IBA57: variants seen among roughly 807,000 people sequenced by gnomAD.
IBA57 encodes the protein iron-sulfur cluster assembly factor IBA57, mitochondrial.
In IBA57, 20 loss-of-function variants were observed where a neutral mutation model predicts 20.4. That is an observed-to-expected ratio of 0.98 (90% confidence interval 0.69 to 1.42). IBA57 has a LOEUF of 1.42. Ranked by LOEUF, IBA57 falls within the 40% of genes most tolerant of loss-of-function variation. IBA57 has a pLI of 0.00. For missense variants in IBA57, 608 were observed against 499.3 expected, an observed-to-expected ratio of 1.22 and a Z score of -2.07; for synonymous variants, 310 against 233.9, an observed-to-expected ratio of 1.33 and a Z score of -2.97.
At position 228,174,968 on chromosome 1, in the gene IBA57, C is replaced by T. The variant is rs1007402100; in HGVS notation, c.618C>T (p.Ala206=). 1.3e-6 allele frequency: 2 copies of T among 1,562,390 alleles called. No individual in the cohort carries two copies. The highest frequency in any genetic ancestry group is 8.7e-7 in the Non-Finnish European group (1 of 1,151,556). ...WRLLTQDEGP[A]LVPGGRLGDL... ...TCCTCACCCAGGATGAAGGCCCAGC[C>T]CTGGTGCCCGGGGGCCGGCTCGGGG... The change falls in exon 2 of 3, where the codon GCC becomes GCT. Residue 206 remains alanine (A), a synonymous_variant. Coordinates refer to ENST00000366711, the MANE Select transcript of IBA57 (RefSeq NM_001010867.4).
chr1:228,169,901 C>T (rs1039950438), intron 1 of IBA57, among the ~76,000 whole-genome samples: 24 of 152,008 alleles, frequency 1.6e-4, no homozygotes, highest in Non-Finnish European at 2.5e-4. Flanking sequence ...GAGTCTTGCT[C>T]TGTCCCCCAG....
intron 1 of IBA57, 22 bp from the exon 2 acceptor site, chr1:228,174,670 G>C: frequency 6.6e-7 from 1 of 1,507,534 alleles, no homozygotes; most frequent in South Asian, 1.3e-5. Context: ...GCTGCCATGC[G>C]CCCCTGCCTC....
Position 228,165,953 on chromosome 1 carries a change from C to T in IBA57, c.137C>T (p.Ala46Val), listed in dbSNP as rs1271761803. The T allele has an allele frequency of 2.0e-6, 3 of 1,503,696 alleles. No homozygotes were observed. Among genetic ancestry groups the T allele is most frequent in the East Asian group, 2.7e-5 (1 of 37,134 alleles). 93.1% of individuals were successfully genotyped at this position (1,503,696 alleles called of 1,614,324 possible). ...CSPGGDPTAG[A>V]AWACFRLDGR... The stretch of plus-strand genomic sequence containing the variant: ...CCTGGTGGCGACCCAACGGCCGGAG[C>T]GGCCTGGGCCTGCTTCCGGCTGGAC... Residue 46 changes from alanine (A) to valine (V), a missense_variant, in exon 1 of 3, where the codon GCG (alanine) becomes GTG (valine). By Grantham distance (64) the Ala-to-Val change is moderately conservative. Coordinates refer to ENST00000366711, the MANE Select transcript of IBA57 (RefSeq NM_001010867.4).
At chr1:228,169,925 G>C (rs917710068) in intron 1 of IBA57, among the ~76,000 whole-genome samples, 2 of 151,972 alleles carry the variant, frequency 1.3e-5, no homozygotes, top group Non-Finnish European at 2.9e-5. Flanking sequence ...GTAGTGCAAT[G>C]GCGCAATCTC....
chr1:228,173,788 C>A (rs898976492), intron 1 of IBA57, among the ~76,000 whole-genome samples: 5 of 152,236 alleles, frequency 3.3e-5, no homozygotes, highest in African/African-American at 1.2e-4. Flanking sequence ...GGACTGTTGT[C>A]ATTTCTGCCC....
chr1:228,166,112 T>G lies in IBA57; in HGVS notation c.296T>G (p.Phe99Cys), dbSNP rs2034848414. The G allele has an allele frequency of 1.3e-6, 2 of 1,537,750 alleles. No homozygotes were observed. Among genetic ancestry groups the G allele is most frequent in the Non-Finnish European group, 1.7e-6 (2 of 1,144,382 alleles). Residue 99 changes from phenylalanine to cysteine, a missense_variant, in exon 1 of 3, where the codon TTC becomes TGC. By Grantham distance (205) the Phe-to-Cys change is radical. Transcript: ENST00000366711. ...PPAARAGYAH[F>C]LNVQGRTLYD... ...GCTGCGCGCGCGGGCTACGCCCACT[T>G]CCTGAACGTGCAGGGCCGGACGCTC...
rs201076864 is a variant in IBA57, at chr1:228,175,186, C to T, written c.744C>T (p.Ala248=). 6.2e-7 allele frequency: 1 copy of T among 1,612,922 alleles called. No individual in the cohort carries two copies. Among genetic ancestry groups the T allele is most frequent in the Non-Finnish European group, 8.5e-7 (1 of 1,179,958 alleles). Residue 248 remains alanine, a synonymous_variant, in exon 3 of 3, where the codon GCC becomes GCT. Coordinates refer to ENST00000366711, the MANE Select transcript of IBA57 (RefSeq NM_001010867.4). ...CCCTGCCCCTGGAGTCCAACCTGGCCTTCATGAACGGCGTGAGCTTCACCA... is the reference window on the plus strand; with the variant it reads ...CCCTGCCCCTGGAGTCCAACCTGGCTTTCATGAACGGCGTGAGCTTCACCA... ...GVALPLESNL[A]FMNGVSFTKG...
Position 228,178,703 on chromosome 1 carries a change from A to T in IBA57, c.*3190A>T, listed in dbSNP as rs1384923903. 2 of 152,286 alleles carry T rather than the reference A, an allele frequency of 1.3e-5. No individual in the cohort carries two copies. Among genetic ancestry groups the T allele is most frequent in the Non-Finnish European group, 2.9e-5 (2 of 68,078 alleles). The allele number at this position is 152,286 out of a possible 1,614,324, so 9.4% of individuals were successfully genotyped here. ...TCAGGCCTTAGATAGAAAACATCCTAAGAAGTATACGTTCATTGTAAAATC... is the reference window on the plus strand; with the variant it reads ...TCAGGCCTTAGATAGAAAACATCCTTAGAAGTATACGTTCATTGTAAAATC... On this transcript the variant is annotated 3_prime_UTR_variant, in exon 3 of 3. Transcript: ENST00000366711.
intron 1 of IBA57, among the ~76,000 whole-genome samples, chr1:228,168,904 G>C (rs1399378104): frequency 2.0e-5 from 3 of 152,174 alleles, no homozygotes; most frequent in Non-Finnish European, 2.9e-5. Flanking sequence ...CTTCAGTTCT[G>C]TTGGAGTTCA....
rs2035093583 is a variant in IBA57 at position 228,180,530 on chromosome 1, A to G, written c.*5017A>G. 1 of 152,228 alleles carries G rather than the reference A, an allele frequency of 6.6e-6. No individual in the cohort carries two copies. 9.4% of individuals were successfully genotyped at this position (152,228 alleles called of 1,614,324 possible). A position where few individuals can be genotyped will look rare whatever the true frequency, so the allele number is the denominator to read the frequency against. ...CAGCATCTGTTACAAGGCTTATCAG[A>G]GTTTTCAGATAATCTCTAAAAGAAT... On this transcript the variant is annotated 3_prime_UTR_variant, in exon 3 of 3. Transcript: ENST00000366711.
rs748685214 is a variant in IBA57 at position 228,166,014 on chromosome 1, G to A, written c.198G>A (p.Ala66=). 2.0e-6 allele frequency: 3 copies of A among 1,532,112 alleles called. No individual in the cohort carries two copies. Among genetic ancestry groups the A allele is most frequent in the Admixed American group, 3.9e-5 (2 of 50,990 alleles). The allele number at this position is 1,532,112 out of a possible 1,614,324, so 94.9% of individuals were successfully genotyped here. Residue 66 remains alanine, a synonymous_variant, in exon 1 of 3, where the codon GCG becomes GCA. Coordinates refer to ENST00000366711, the MANE Select transcript of IBA57 (RefSeq NM_001010867.4). ...RTLLRVRGPD[A]APFLLGLLTN... Reference sequence around the variant, plus strand: ...TGCTGCGCGTGCGTGGCCCCGACGCGGCGCCCTTCCTGCTAGGGCTGCTGA... The same window carrying A: ...TGCTGCGCGTGCGTGGCCCCGACGCAGCGCCCTTCCTGCTAGGGCTGCTGA...
intron 1 of IBA57, chr1:228,172,872 A>G (rs1015018655): frequency 6.6e-6 from 1 of 152,234 alleles, no homozygotes; most frequent in African/African-American, 2.4e-5. Flanking sequence ...TCCGCGGCAC[A>G]CCTGCGGCTG....
At position 228,175,327 on chromosome 1, in the gene IBA57, T is replaced by C; in HGVS notation, c.885T>C (p.Pro295=). The C allele has an allele frequency of 6.2e-7, 1 of 1,612,972 alleles. No homozygotes were observed. Among genetic ancestry groups the C allele is most frequent in the Non-Finnish European group, 8.5e-7 (1 of 1,179,990 alleles). ...CCCTTCCCACCAGTGGCATCACCCC[T>C]GGTGCCACGGTGCTGACTGCCTCAG... ...LDPLPTSGIT[P]GATVLTASGQ... The change falls in exon 3 of 3, where the codon CCT becomes CCC. Residue 295 remains proline (P), a synonymous_variant. Coordinates refer to ENST00000366711, the MANE Select transcript of IBA57 (RefSeq NM_001010867.4).
chr1:228,166,075 G>A lies in IBA57; in HGVS notation c.259G>A (p.Gly87Arg), dbSNP rs1026408197. Residue 87 changes from glycine to arginine, a missense_variant, in exon 1 of 3, where the codon GGG becomes AGG. Physicochemically the swap from Gly to Arg is moderately radical, Grantham distance 125 (BLOSUM62 -2). Coordinates refer to ENST00000366711, the MANE Select transcript of IBA57 (RefSeq NM_001010867.4). ...ELPLPSPAAA[G>R]APPAARAGYA... The stretch of plus-strand genomic sequence containing the variant: ...GCCGCTTCCGAGTCCTGCGGCCGCG[G>A]GGGCCCCGCCTGCTGCGCGCGCGGG... 3.9e-5 allele frequency: 60 copies of A among 1,537,322 alleles called. No homozygotes were observed. Among genetic ancestry groups the A allele is most frequent in the Admixed American group, 1.6e-4 (8 of 50,514 alleles).
Position 228,169,246 on chromosome 1 carries a change from C to G in IBA57, c.341+3089C>G, listed in dbSNP as rs148313487. ...TCCTGCTTCTCTGGTCATTCCCTGC[C>G]CATCATTCCTTTATGGTTTTTTCCT... is the stretch of plus-strand genomic sequence containing the variant. On this transcript the variant is annotated intron_variant, in intron 1 of 2. Transcript: ENST00000366711. Among the ~76,000 whole-genome samples, 12 of 152,222 alleles carry G rather than the reference C, an allele frequency of 7.9e-5. No homozygotes were observed. In the East Asian group the frequency reaches 2.3e-3, roughly 29 times the overall value.
chr1:228,166,440 A>G (rs2034854687), intron 1 of IBA57, among the ~76,000 whole-genome samples: 1 of 152,190 alleles, frequency 6.6e-6, no homozygotes. Context: ...CTCAACACCC[A>G]GGGATGGGTC....
chr1:228,175,149 C>T lies in IBA57; in HGVS notation c.707C>T (p.Pro236Leu), dbSNP rs1460571548. Reference sequence around the variant, plus strand: ...GTTCCTGAGGGGGTCCGAGACTTGCCTCCTGGGGTGGCCCTGCCCCTGGAG... The same window carrying T: ...GTTCCTGAGGGGGTCCGAGACTTGCTTCCTGGGGTGGCCCTGCCCCTGGAG... Reference protein sequence around the residue: ...QGVPEGVRDLPPGVALPLESN... With the variant: ...QGVPEGVRDLLPGVALPLESN... The change falls in exon 3 of 3, where the codon CCT becomes CTT. Residue 236 changes from proline (P) to leucine (L), a missense_variant. By Grantham distance (98) the Pro-to-Leu change is moderately conservative. Transcript: ENST00000366711. The T allele has an allele frequency of 2.5e-6, 4 of 1,612,756 alleles. No homozygotes were observed. Among genetic ancestry groups the T allele is most frequent in the Non-Finnish European group, 3.4e-6 (4 of 1,179,910 alleles).
At position 228,175,505 on chromosome 1, in the gene IBA57, TC is replaced by T. The variant is rs2124977415; in HGVS notation, c.1065del (p.Lys356SerfsTer247). On this transcript the variant is annotated frameshift_variant, in exon 3 of 3. Transcript: ENST00000366711. LOFTEE classifies it high-confidence loss of function. ...TGTGCCAGACTGGTGGCCTACAGTC[TC>T]CAAGTAGTCCGAAGCCTTGGCTGGC... ...ASVPDWWPTVSK is the reference protein window; with the variant it reads ...ASVPDWWPTVXK The T allele has an allele frequency of 1.9e-6, 3 of 1,559,582 alleles. No homozygotes were observed. The African/African-American group carries it at 4.1e-5, about 21-fold the overall frequency.
At chr1:228,167,483 A>G (rs1226319647) in intron 1 of IBA57, among the ~76,000 whole-genome samples, 1 of 151,806 alleles carries the variant, frequency 6.6e-6, no homozygotes, top group Non-Finnish European at 1.5e-5. Flanking sequence ...CAGCCTCCCA[A>G]ATAGCTGGGA....
Sources: allele counts gnomAD v4.1 joint callset (sites outside exome capture counted in the v4.1 genomes callset), GRCh38; gene constraint gnomAD v4.1.1; transcripts MANE v1.5; gene names NCBI Gene and HGNC (gene_info 2026-07-23, HGNC 2026-07-21).